MAP2K6: variants seen among roughly 807,000 people sequenced by gnomAD.
MAP2K6 encodes dual specificity mitogen-activated protein kinase kinase 6.
In MAP2K6, 16 loss-of-function variants were observed where a neutral mutation model predicts 53.7. The ratio of observed to expected loss-of-function variants is 0.30; its 90% confidence interval spans 0.20 to 0.45. The LOEUF is 0.45. MAP2K6 is among the 20% of genes least tolerant of loss of function. MAP2K6 has a pLI of 1.00. For synonymous variants in MAP2K6, 132 were observed against 143.1 expected, an observed-to-expected ratio of 0.92 and a Z score of 0.55; for missense variants, 204 against 411.9, an observed-to-expected ratio of 0.50 and a Z score of 4.37.
At position 69,551,225 on chromosome 17, in the gene MAP2K6, T is replaced by C. The variant is rs1912086224; in HGVS notation, c.*9472T>C. 1 of 152,070 alleles carries C rather than the reference T, an allele frequency of 6.6e-6. No individual in the cohort carries two copies. The highest frequency in any genetic ancestry group is 1.5e-5 in the Non-Finnish European group (1 of 68,024). 9.4% of individuals were successfully genotyped at this position (152,070 alleles called of 1,614,324 possible). A position where few individuals can be genotyped will look rare whatever the true frequency, so the allele number is the denominator to read the frequency against. On this transcript the variant is annotated 3_prime_UTR_variant, in exon 12 of 12. Transcript: ENST00000590474. ...CATTGACCTATCAGAAAAAAGCAAATCCTTTGGACAATGTTGACACAGACA... is the reference window on the plus strand; with the variant it reads ...CATTGACCTATCAGAAAAAAGCAAACCCTTTGGACAATGTTGACACAGACA...
intron 1 of MAP2K6, among the ~76,000 whole-genome samples, chr17:69,449,553 C>CTT (rs1379930305): frequency 9.5e-6 from 1 of 105,486 alleles, no homozygotes; most frequent in Non-Finnish European, 1.8e-5. Flanking sequence ...TTCTTTCTTT[C>CTT]TTTCTTTATT....
At chr17:69,481,487 A>C (rs1342570950) in intron 1 of MAP2K6, among the ~76,000 whole-genome samples, 1 of 152,172 alleles carries the variant, frequency 6.6e-6, no homozygotes, top group Non-Finnish European at 1.5e-5. Flanking sequence ...TATCTCCTTG[A>C]GACCCGTGTG....
chr17:69,533,090 A>G (rs933004804), intron 10 of MAP2K6, among the ~76,000 whole-genome samples: 5 of 152,044 alleles, frequency 3.3e-5, no homozygotes, highest in African/African-American at 1.2e-4. Context: ...CACCATGCTC[A>G]GCTAATTTTT....
intron 1 of MAP2K6, among the ~76,000 whole-genome samples, chr17:69,427,085 C>G (rs1906296383): frequency 6.6e-6 from 1 of 152,188 alleles, no homozygotes; most frequent in African/African-American, 2.4e-5. Context: ...GTTCAATAAT[C>G]AACGTCTAGC....
chr17:69,441,885 G>A (rs192715662), intron 1 of MAP2K6, among the ~76,000 whole-genome samples: 1 of 152,064 alleles, frequency 6.6e-6, no homozygotes, highest in African/African-American at 2.4e-5. Context: ...GATAGGTGGG[G>A]GTGCTTCAGG....
chr17:69,486,058 A>C (rs1450916227), intron 1 of MAP2K6, among the ~76,000 whole-genome samples: 1 of 152,194 alleles, frequency 6.6e-6, no homozygotes, highest in East Asian at 1.9e-4. Flanking sequence ...TACAAAGCAA[A>C]GAGCCTTGTG....
At chr17:69,419,768 A>G (rs973790462) in intron 1 of MAP2K6, among the ~76,000 whole-genome samples, 1 of 152,108 alleles carries the variant, frequency 6.6e-6, no homozygotes, top group Admixed American at 6.5e-5. Context: ...CTCCACTAAA[A>G]ATACAAAAAT....
At chr17:69,517,438 TG>T in intron 3 of MAP2K6, 61 bp from the exon 4 acceptor site, 1 of 851,036 alleles carries the variant, frequency 1.2e-6, no homozygotes, top group Non-Finnish European at 1.8e-6. Context: ...TAGAGGATAA[TG>T]TGCTCTCTGT....
chr17:69,505,481 C>T, intron 1 of MAP2K6: 2 of 205,380 alleles, frequency 9.7e-6, no homozygotes, highest in Non-Finnish European at 1.9e-5. Flanking sequence ...ATGACAAATT[C>T]TCAGTGGGGA....
intron 1 of MAP2K6, among the ~76,000 whole-genome samples, chr17:69,441,346 G>C (rs986493818): frequency 1.3e-5 from 2 of 151,832 alleles, no homozygotes; most frequent in African/African-American, 4.8e-5. Flanking sequence ...TTTTCAAATT[G>C]GGTAATTTCT....
rs1912042096 is a variant in MAP2K6, at chr17:69,550,311, A to G, written c.*8558A>G. On this transcript the variant is annotated 3_prime_UTR_variant, in exon 12 of 12. Transcript: ENST00000590474. ...CCTCATCCATCAGCCACCTCTGGGTAAAGAAACACAAATACCAAAGCCTGA... is the reference window on the plus strand; with the variant it reads ...CCTCATCCATCAGCCACCTCTGGGTGAAGAAACACAAATACCAAAGCCTGA... 1 of 152,188 alleles carries G rather than the reference A, an allele frequency of 6.6e-6. No individual in the cohort carries two copies. Among genetic ancestry groups the G allele is most frequent in the Non-Finnish European group, 1.5e-5 (1 of 68,022 alleles). The allele number at this position is 152,188 out of a possible 1,614,324, so 9.4% of individuals were successfully genotyped here.
intron 2 of MAP2K6, among the ~76,000 whole-genome samples, chr17:69,511,431 C>G (rs968473741): frequency 2.0e-5 from 3 of 152,180 alleles, no homozygotes; most frequent in Non-Finnish European, 4.4e-5. Flanking sequence ...AATAAATAGG[C>G]CTTGACAAAG....
At chr17:69,463,811 A>C (rs1456760445) in intron 1 of MAP2K6, among the ~76,000 whole-genome samples, 2 of 152,036 alleles carry the variant, frequency 1.3e-5, no homozygotes, top group African/African-American at 4.8e-5. Context: ...TGAGGTCAGG[A>C]GTTCAAGACC....
intron 1 of MAP2K6, among the ~76,000 whole-genome samples, chr17:69,473,056 A>G (rs1398544622): frequency 6.6e-6 from 1 of 152,188 alleles, no homozygotes; most frequent in Admixed American, 6.5e-5. Context: ...TTCAGTGTTA[A>G]TATTAGATGT....
chr17:69,475,164 G>GTTT lies in MAP2K6; in HGVS notation c.17-30596_17-30594dup, dbSNP rs775528883. 4.8e-3 allele frequency among the ~76,000 whole-genome samples: 539 copies of GTTT among 111,586 alleles called. 2 individuals are homozygous for GTTT. The highest frequency in any genetic ancestry group is 0.013 in the African/African-American group (340 of 26,724). The allele number at this position is 111,586 out of a possible 152,430, so 73.2% of individuals were successfully genotyped here. A position where few individuals can be genotyped will look rare whatever the true frequency, so the allele number is the denominator to read the frequency against. On this transcript the variant is annotated intron_variant, in intron 1 of 11. Coordinates refer to ENST00000590474, the MANE Select transcript of MAP2K6 (RefSeq NM_002758.4). ...TGTTTAATTTAAGATTGAAATCTGT[G>GTTT]TTTTTTTTTTTTTTTTTTTTTTGAG...
At position 69,498,453 on chromosome 17, in the gene MAP2K6, T is replaced by G. The variant is rs574535253; in HGVS notation, c.17-7327T>G. 2.6e-5 allele frequency among the ~76,000 whole-genome samples: 4 copies of G among 152,260 alleles called. No individual in the cohort carries two copies. The South Asian group carries it at 8.3e-4, about 32-fold the overall frequency. On this transcript the variant is annotated intron_variant, in intron 1 of 11. Coordinates refer to ENST00000590474, the MANE Select transcript of MAP2K6 (RefSeq NM_002758.4). Reference sequence around the variant, plus strand: ...GCTGGTAACTACTGTCCCCAGTAGCTGAGAGACCTGGACAAAAGGGCATCA... The same window carrying G: ...GCTGGTAACTACTGTCCCCAGTAGCGGAGAGACCTGGACAAAAGGGCATCA...
intron 1 of MAP2K6, among the ~76,000 whole-genome samples, chr17:69,415,616 C>T (rs1221167505): frequency 6.6e-6 from 1 of 152,162 alleles, no homozygotes; most frequent in Non-Finnish European, 1.5e-5. Flanking sequence ...AGATTTTGCA[C>T]TTTACACCAA....
intron 2 of MAP2K6, among the ~76,000 whole-genome samples, chr17:69,512,328 G>GTTTTTTTTTTTTTTTTTTTTT (rs796414361): frequency 6.6e-5 from 5 of 75,218 alleles, no homozygotes; most frequent in East Asian, 6.7e-4. Context: ...CTTTCTAAGT[G>GTTTTTTTTTTTTTTTTTTTTT]TTTTTTTTTT....
intron 1 of MAP2K6, among the ~76,000 whole-genome samples, chr17:69,444,940 G>T (rs1906927297): frequency 6.6e-6 from 1 of 152,032 alleles, no homozygotes; most frequent in Non-Finnish European, 1.5e-5. Context: ...TATTTTTTGA[G>T]ATGAAGACTC....
Sources: allele counts gnomAD v4.1 joint callset (sites outside exome capture counted in the v4.1 genomes callset), GRCh38; gene constraint gnomAD v4.1.1; transcripts MANE v1.5; gene names NCBI Gene and HGNC (gene_info 2026-07-23, HGNC 2026-07-21).